ZNF346: variants seen among roughly 807,000 people sequenced by gnomAD.
The protein encoded by ZNF346 is double-stranded RNA-binding zinc finger protein JAZ.
A neutral mutation model predicts 33.7 loss-of-function variants in ZNF346; 23 were observed. The ratio of observed to expected loss-of-function variants is 0.68; its 90% CI spans 0.49 to 0.97. The LOEUF (loss-of-function observed/expected upper bound fraction) is 0.97, where lower values mean the gene tolerates loss of function less well. Among genes scored for constraint, ZNF346 ranks in the 50% least tolerant of loss-of-function variants. The probability of loss-of-function intolerance (pLI) is 0.00; values close to 1 mark genes in which losing one functional copy is unlikely to be tolerated. For synonymous variants in ZNF346, 134 were observed against 142.4 expected (o/e 0.94, Z 0.42); for missense variants, 340 against 371.1 (o/e 0.92, Z 0.69).
chr5:177,072,781 G>A (rs568138200), downstream of ZNF346, among the ~76,000 whole-genome samples: 4 of 150,956 alleles, frequency 2.6e-5, no homozygotes, highest in Non-Finnish European at 4.4e-5. Context: ...CCCGTGAGGC[G>A]GAGGTTGCAG....
At chr5:177,054,829 A>G (rs537350918) in intron 5 of ZNF346, among the ~76,000 whole-genome samples, 11 of 152,282 alleles carry the variant, frequency 7.2e-5, no homozygotes, top group Non-Finnish European at 1.5e-4. Context: ...ATAATCTATT[A>G]ATCCAGAACA....
chr5:177,073,604 G>A (rs549888832), intron 8 of ZNF346, among the ~76,000 whole-genome samples: 16 of 152,172 alleles, frequency 1.1e-4, no homozygotes, highest in African/African-American at 3.1e-4. Flanking sequence ...GCACCTGGCC[G>A]GAAAGACTTA....
At chr5:177,024,044 GGTGT>G (rs1216789640) in intron 1 of ZNF346, among the ~76,000 whole-genome samples, 4 of 147,194 alleles carry the variant, frequency 2.7e-5, no homozygotes, top group Admixed American at 2.1e-4. Context: ...CCCCAGAAAT[GGTGT>G]GTGTGTATGC....
intron 1 of ZNF346, among the ~76,000 whole-genome samples, chr5:177,030,946 A>G (rs1305623404): frequency 1.5e-4 from 19 of 129,432 alleles, no homozygotes; most frequent in Admixed American, 5.1e-4. Context: ...TTGAGACGAC[A>G]TTTTGCTCTT....
intron 1 of ZNF346, among the ~76,000 whole-genome samples, chr5:177,029,738 C>T (rs1051565460): frequency 6.6e-5 from 10 of 152,194 alleles, no homozygotes; most frequent in Non-Finnish European, 7.3e-5. Context: ...CTGGGTCTTG[C>T]GTGTTACTTC....
At chr5:177,073,992 T>G (rs768875455) in intron 8 of ZNF346, among the ~76,000 whole-genome samples, 20 of 152,130 alleles carry the variant, frequency 1.3e-4, no homozygotes, top group Non-Finnish European at 2.5e-4. Context: ...CTAGACCATG[T>G]GGCGACCACA....
chr5:177,047,340 GTTTTTTTTTT>G (rs113091804), intron 4 of ZNF346, among the ~76,000 whole-genome samples: 1 of 137,364 alleles, frequency 7.3e-6, no homozygotes, highest in Non-Finnish European at 1.6e-5. Context: ...TTTGTTTTTT[GTTTTTTTTTT>G]TTTTTGAGAT....
chr5:177,029,197 A>G (rs546433813), intron 1 of ZNF346, among the ~76,000 whole-genome samples: 1 of 152,224 alleles, frequency 6.6e-6, no homozygotes, highest in South Asian at 2.1e-4. Context: ...GGTTGAATTG[A>G]TCACCGATAG....
At chr5:177,034,954 C>T (rs564345995) in intron 1 of ZNF346, among the ~76,000 whole-genome samples, 1 of 152,230 alleles carries the variant, frequency 6.6e-6, no homozygotes, top group South Asian at 2.1e-4. Context: ...GGAGATGTTT[C>T]TGGAGGCCCA....
intron 8 of ZNF346, among the ~76,000 whole-genome samples, chr5:177,076,029 G>A (rs1783730250): frequency 6.6e-6 from 1 of 151,602 alleles, no homozygotes; most frequent in African/African-American, 2.4e-5. Context: ...TGCCCAGGCT[G>A]GTCTCAAACT....
At chr5:177,030,020 T>C (rs921820915) in intron 1 of ZNF346, among the ~76,000 whole-genome samples, 6 of 152,218 alleles carry the variant, frequency 3.9e-5, no homozygotes, top group Non-Finnish European at 8.8e-5. Context: ...GCTTGGTTTC[T>C]GGGAGGAGAA....
At chr5:177,072,554 G>A (rs1783557541), downstream of ZNF346, among the ~76,000 whole-genome samples, 1 of 152,084 alleles carries the variant, frequency 6.6e-6, no homozygotes, top group African/African-American at 2.4e-5. Context: ...TCAGAACTAA[G>A]CCAACACAGA....
chr5:177,070,803 A>G (rs1461006116), downstream of ZNF346, among the ~76,000 whole-genome samples: 1 of 151,906 alleles, frequency 6.6e-6, no homozygotes, highest in Non-Finnish European at 1.5e-5. Context: ...AAAGTAGCAT[A>G]GTGGCTAGAA....
chr5:177,050,539 C>A (rs1037196156), intron 4 of ZNF346, among the ~76,000 whole-genome samples: 2 of 152,186 alleles, frequency 1.3e-5, no homozygotes, highest in African/African-American at 4.8e-5. Flanking sequence ...CAAATCTTCC[C>A]AGGTTTCCCA....
At chr5:177,050,994 C>G in intron 5 of ZNF346, 58 bp downstream of exon 5, 1 of 1,379,864 alleles carries the variant, frequency 7.2e-7, no homozygotes, top group Non-Finnish European at 1.0e-6. Flanking sequence ...TGGGGCTACC[C>G]GGACCAGCTG....
chr5:177,043,196 G>A (rs182314630), intron 3 of ZNF346, among the ~76,000 whole-genome samples: 2 of 151,758 alleles, frequency 1.3e-5, no homozygotes, highest in East Asian at 2.0e-4. Flanking sequence ...ACAGGGTCTC[G>A]CTTTGTTGCC....
intron 1 of ZNF346, among the ~76,000 whole-genome samples, chr5:177,024,875 C>T (rs761285930): frequency 2.6e-5 from 4 of 152,214 alleles, no homozygotes; most frequent in Non-Finnish European, 5.9e-5. Flanking sequence ...TCCCTGTTCT[C>T]ACTTCTCCCA....
At chr5:177,043,410 G>GGGAT (rs1227712105) in intron 3 of ZNF346, among the ~76,000 whole-genome samples, 2 of 152,028 alleles carry the variant, frequency 1.3e-5, no homozygotes, top group Non-Finnish European at 2.9e-5. Flanking sequence ...GAGAGATGCT[G>GGGAT]GGATCCCTTT....
At chr5:177,037,261 T>C (rs1778635999) in intron 1 of ZNF346, among the ~76,000 whole-genome samples, 1 of 152,154 alleles carries the variant, frequency 6.6e-6, no homozygotes, top group Non-Finnish European at 1.5e-5. Context: ...AGGCTCAGTC[T>C]CTGAACCTCT....
Sources: allele counts gnomAD v4.1 joint callset (sites outside exome capture counted in the v4.1 genomes callset), GRCh38; gene constraint gnomAD v4.1.1; transcripts MANE v1.5; gene names NCBI Gene and HGNC (gene_info 2026-07-23, HGNC 2026-07-21).